DFFB: variants seen among roughly 807,000 people sequenced by gnomAD.
DFFB encodes DNA fragmentation factor subunit beta.
A neutral mutation model predicts 32.7 loss-of-function variants in DFFB; 29 were observed. That is an observed-to-expected ratio of 0.89 (90% CI 0.66 to 1.21). DFFB has a LOEUF of 1.21. Ranked by LOEUF, DFFB falls within the 50% of genes most tolerant of loss-of-function variation. The probability of loss-of-function intolerance (pLI) is 0.00; values close to 1 mark genes in which losing one functional copy is unlikely to be tolerated. For missense variants in DFFB, 398 were observed against 440.6 expected (o/e 0.90, Z 0.87); for synonymous variants, 170 against 177.1 (o/e 0.96, Z 0.32).
At chr1:3,870,423 G>T (rs914447561) in intron 5 of DFFB, among the ~76,000 whole-genome samples, 2 of 152,228 alleles carry the variant, frequency 1.3e-5, no homozygotes, top group African/African-American at 4.8e-5. Flanking sequence ...CATGGGACAG[G>T]GCTCCTTGCT....
chr1:3,867,132 G>A (rs1024402397), intron 3 of DFFB, among the ~76,000 whole-genome samples: 43 of 152,222 alleles, frequency 2.8e-4, no homozygotes, highest in Non-Finnish European at 4.3e-4. Context: ...TCCTGACCTC[G>A]TGATCCGCCC....
intron 4 of DFFB, among the ~76,000 whole-genome samples, chr1:3,868,414 G>C (rs995301838): frequency 1.3e-5 from 2 of 152,072 alleles, no homozygotes; most frequent in African/African-American, 2.4e-5. Context: ...TTGCCCAACT[G>C]TGACCAAGGT....
rs536548862 is a variant in DFFB, at chr1:3,882,062, C to T, written c.783-1445C>T. Among the ~76,000 whole-genome samples, 7 of 152,000 alleles carry T rather than the reference C, an allele frequency of 4.6e-5. No homozygotes were observed. The South Asian group carries it at 6.2e-4, about 14-fold the overall frequency. ...ATCATGTTGTGTGTGTATGTGTGTG[C>T]GTGTGTGTTTGGGACAGTCTCACTC... is the stretch of plus-strand genomic sequence containing the variant. On this transcript the variant is annotated intron_variant, in intron 6 of 6. Coordinates refer to ENST00000378209, the MANE Select transcript of DFFB (RefSeq NM_004402.4).
intron 6 of DFFB, chr1:3,872,997 T>G (rs1263575318): frequency 1.6e-6 from 2 of 1,273,052 alleles, no homozygotes; most frequent in Admixed American, 4.8e-5. Context: ...GTTTTTCCCT[T>G]TTTCTTTTTC....
chr1:3,874,387 G>A (rs78020398), intron 6 of DFFB, among the ~76,000 whole-genome samples: 62 of 8,680 alleles, frequency 7.1e-3, no homozygotes, highest in Admixed American at 9.8e-3. Flanking sequence ...CACGCGTGTG[G>A]GTTTAACATG....
intron 3 of DFFB, chr1:3,866,293 C>T: frequency 2.1e-6 from 1 of 479,272 alleles, no homozygotes; most frequent in Non-Finnish European, 4.0e-6. Context: ...GGCTGGAGTG[C>T]AGTGGCGTGA....
At chr1:3,871,165 G>A (rs1645105360) in intron 5 of DFFB, among the ~76,000 whole-genome samples, 1 of 152,246 alleles carries the variant, frequency 6.6e-6, no homozygotes, top group Non-Finnish European at 1.5e-5. Flanking sequence ...ATGAGGTGGG[G>A]GTGCTGGTGT....
intron 6 of DFFB, chr1:3,873,039 G>C (rs1645152064): frequency 2.5e-6 from 3 of 1,223,106 alleles, no homozygotes; most frequent in African/African-American, 3.1e-5. Context: ...CTGTGGCCCA[G>C]GCTAAAGTGC....
chr1:3,869,488 C>T, intron 4 of DFFB, 117 bp from the exon 5 acceptor site: 2 of 1,103,132 alleles, frequency 1.8e-6, no homozygotes, highest in Non-Finnish European at 2.6e-6. Context: ...GACCCTCTGA[C>T]CACAGGACTG....
At chr1:3,881,288 C>T (rs904493512) in intron 6 of DFFB, among the ~76,000 whole-genome samples, 3 of 152,228 alleles carry the variant, frequency 2.0e-5, no homozygotes, top group African/African-American at 7.2e-5. Context: ...GGCCAACCCC[C>T]GGAAGCCACT....
Position 3,872,585 on chromosome 1 carries a change from A to G in DFFB, c.782+13A>G. On this transcript the variant is annotated intron_variant, in intron 6 of 6. Coordinates refer to ENST00000378209, the MANE Select transcript of DFFB (RefSeq NM_004402.4). ...ACCTGGATCACATGTAAGCTCACAG[A>G]GCGAGGTTCAGACCCACGAGTGCCT... 1 of 1,593,398 alleles carries G rather than the reference A, an allele frequency of 6.3e-7. No individual in the cohort carries two copies. Among genetic ancestry groups the G allele is most frequent in the Non-Finnish European group, 8.6e-7 (1 of 1,169,194 alleles).
Position 3,857,707 on chromosome 1 carries a change from T to C in DFFB, c.104T>C (p.Leu35Pro), listed in dbSNP as rs1332483242. 1 of 1,543,378 alleles carries C rather than the reference T, an allele frequency of 6.5e-7. No homozygotes were observed. Among genetic ancestry groups the C allele is most frequent in the Non-Finnish European group, 8.7e-7 (1 of 1,143,592 alleles). Reference protein sequence around the residue: ...SCQEVLRKGCLRFQLPERGSR... With the variant: ...SCQEVLRKGCPRFQLPERGSR... ...CAGGAGGTGCTGCGCAAGGGCTGTC[T>C]CCGCTTCCAGGTGCCCGCTGGGCTA... The change falls in exon 1 of 7, where the codon CTC becomes CCC. Residue 35 changes from leucine (L) to proline (P), a missense_variant. By Grantham distance (98) the Leu-to-Pro change is moderately conservative. Transcript: ENST00000378209.
Position 3,858,761 on chromosome 1 carries a change from C to T in DFFB, c.158C>T (p.Thr53Met), listed in dbSNP as rs1176981078. 2 of 1,614,186 alleles carry T rather than the reference C, an allele frequency of 1.2e-6. No individual in the cohort carries two copies. The highest frequency in any genetic ancestry group is 1.7e-5 in the Admixed American group (1 of 60,032). Residue 53 changes from threonine (T) to methionine (M), a missense_variant, in exon 2 of 7, where the codon ACG becomes ATG. Coordinates refer to ENST00000378209, the MANE Select transcript of DFFB (RefSeq NM_004402.4). ...GSRLCLYEDGTELTEDYFPSV... is the reference protein window; with the variant it reads ...GSRLCLYEDGMELTEDYFPSV... Reference sequence around the variant, plus strand: ...CGGCTGTGCCTGTACGAGGATGGCACGGAGCTGACGGAAGATTACTTCCCC... The same window carrying T: ...CGGCTGTGCCTGTACGAGGATGGCATGGAGCTGACGGAAGATTACTTCCCC...
At chr1:3,876,634 T>C (rs1447640083) in intron 6 of DFFB, among the ~76,000 whole-genome samples, 2 of 152,192 alleles carry the variant, frequency 1.3e-5, no homozygotes, top group African/African-American at 2.4e-5. Flanking sequence ...AAATGCATGC[T>C]GTCCCCCTAC....
intron 6 of DFFB, among the ~76,000 whole-genome samples, chr1:3,875,586 A>G (rs992008349): frequency 6.6e-6 from 1 of 152,150 alleles, no homozygotes; most frequent in Non-Finnish European, 1.5e-5. Flanking sequence ...TAGGTGAGAC[A>G]CAGATTCTCT....
At chr1:3,882,160 G>A (rs992306006) in intron 6 of DFFB, among the ~76,000 whole-genome samples, 20 of 151,876 alleles carry the variant, frequency 1.3e-4, no homozygotes, top group Admixed American at 4.6e-4. Flanking sequence ...AGTGATTTTC[G>A]TGCCTCAGCC....
chr1:3,865,820 G>T lies in DFFB; in HGVS notation c.250G>T (p.Asp84Tyr). The T allele has an allele frequency of 6.2e-7, 1 of 1,614,136 alleles. No individual in the cohort carries two copies. The highest frequency in any genetic ancestry group is 1.1e-5 in the South Asian group (1 of 91,068). Residue 84 changes from aspartate (D) to tyrosine (Y), a missense_variant, in exon 3 of 7, where the codon GAC (aspartate) becomes TAC (tyrosine). By Grantham distance (160) the Asp-to-Tyr change is radical. Transcript: ENST00000378209. The surrounding 1 kb of genome is among the most constrained non-coding windows in gnomAD (Gnocchi z 4.7). ...LGQAWQGYVS[D>Y]IRRFLSAFHE... Reference sequence around the variant, plus strand: ...TGTCCCATTGGTGGCAGATGTGAGCGACATCAGGCGCTTCCTCAGTGCATT... The same window carrying T: ...TGTCCCATTGGTGGCAGATGTGAGCTACATCAGGCGCTTCCTCAGTGCATT...
At position 3,865,567 on chromosome 1, in the gene DFFB, GCTTT is replaced by G; in HGVS notation, c.242-243_242-240del. On this transcript the variant is annotated intron_variant, in intron 2 of 6. Coordinates refer to ENST00000378209, the MANE Select transcript of DFFB (RefSeq NM_004402.4). The surrounding 1 kb of genome is among the most constrained non-coding windows in gnomAD (Gnocchi z 4.7). ...TGGGAAAGCGGCCGTCTCTTGGTGC[GCTTT>G]CATCTGTCCTCTAAAGCACACCCTG... 1 of 623,132 alleles carries G rather than the reference GCTTT, an allele frequency of 1.6e-6. No individual in the cohort carries two copies. The highest frequency in any genetic ancestry group is 2.9e-6 in the Non-Finnish European group (1 of 345,488). The allele number at this position is 623,132 out of a possible 1,614,324, so 38.6% of individuals were successfully genotyped here. A position where few individuals can be genotyped will look rare whatever the true frequency, so the allele number is the denominator to read the frequency against.
intron 6 of DFFB, among the ~76,000 whole-genome samples, chr1:3,881,269 G>C (rs1044509285): frequency 6.6e-6 from 1 of 152,226 alleles, no homozygotes. Context: ...ACCAGCAGAA[G>C]GCCCCCCAGG....
Sources: gnomAD v4.1 joint callset for allele counts (sites outside exome capture counted in the v4.1 genomes callset) on GRCh38, gnomAD v4.1.1 for gene constraint, Gnocchi (gnomAD v3.1) non-coding constraint, MANE v1.5 for transcripts, NCBI Gene and HGNC (gene_info 2026-07-23, HGNC 2026-07-21) for gene names.